Variants in GLIS1 observed in about 807,000 individuals in gnomAD.
GLIS1 encodes zinc finger protein GLIS1.
Under a neutral mutation model 63.8 loss-of-function variants are expected in GLIS1, and 24 were observed. The ratio of observed to expected loss-of-function variants is 0.38; its 90% CI spans 0.27 to 0.53. The LOEUF (loss-of-function observed/expected upper bound fraction) is 0.53, where lower values mean the gene tolerates loss of function less well. Ranked by LOEUF, GLIS1 falls within the 20% of genes least tolerant of loss-of-function variation. The pLI is 0.85. For synonymous variants in GLIS1, 450 were observed against 482.5 expected (o/e 0.93, Z 0.88); for missense variants, 1,036 against 1,074.1 (o/e 0.96, Z 0.50).
Position 53,594,355 on chromosome 1 carries a change from C to T in GLIS1, c.1073G>A (p.Gly358Glu). ...CACCACCCTGCCTGCCAGGCCCAGCCCCAGGCCTCCAAGGCTTGGGCCAGG... is the reference window on the plus strand; with the variant it reads ...CACCACCCTGCCTGCCAGGCCCAGCTCCAGGCCTCCAAGGCTTGGGCCAGG... Reference protein sequence around the residue: ...LPPGPSLGGLGLGLAGRVVAG... With the variant: ...LPPGPSLGGLELGLAGRVVAG... The change falls in exon 4 of 11, where the codon GGG (glycine) becomes GAG (glutamate). Residue 358 changes from glycine (G) to glutamate (E), a missense_variant. Gly to Glu is a moderately conservative substitution (Grantham distance 98). This residue lies in a region of GLIS1 where 592 missense variants were observed against 593.9 expected (regional missense o/e 1.00). Coordinates refer to ENST00000628545, the MANE Select transcript of GLIS1 (RefSeq NM_001367484.1). 1.9e-6 allele frequency: 3 copies of T among 1,611,680 alleles called. No individual in the cohort carries two copies. Among genetic ancestry groups the T allele is most frequent in the Non-Finnish European group, 2.5e-6 (3 of 1,179,158 alleles).
Position 53,594,342 on chromosome 1 carries a change from T to A in GLIS1, c.1086A>T (p.Ala362=), listed in dbSNP as rs1557469456. 1 of 1,611,566 alleles carries A rather than the reference T, an allele frequency of 6.2e-7. No homozygotes were observed. The highest frequency in any genetic ancestry group is 1.3e-5 in the African/African-American group (1 of 75,036). ...PSLGGLGLGL[A]GRVVAGRQAC... ...CCTGCCGCCCGGCCACCACCCTGCC[T>A]GCCAGGCCCAGCCCCAGGCCTCCAA... The change falls in exon 4 of 11, where the codon GCA becomes GCT. Residue 362 remains alanine, a synonymous_variant. Coordinates refer to ENST00000628545, the MANE Select transcript of GLIS1 (RefSeq NM_001367484.1).
chr1:53,690,655 C>T (rs1411939790), intron 2 of GLIS1, among the ~76,000 whole-genome samples: 1 of 152,130 alleles, frequency 6.6e-6, no homozygotes, highest in Non-Finnish European at 1.5e-5. Context: ...GGCAGGGCAG[C>T]GATGATTAAC....
rs57057750 is a variant in GLIS1 at position 53,516,000 on chromosome 1, ACAT to A, written c.1727-1222_1727-1220del. Among the ~76,000 whole-genome samples, 9 of 152,050 alleles carry A rather than the reference ACAT, an allele frequency of 5.9e-5. No homozygotes were observed. In the East Asian group the frequency reaches 1.4e-3, roughly 23 times the overall value. ...GCCATGTTTATTTTGATAGCAATTG[ACAT>A]CATTTTTTCTGAAATCCATGCATCC... On this transcript the variant is annotated intron_variant, in intron 7 of 10. Coordinates refer to ENST00000628545, the MANE Select transcript of GLIS1 (RefSeq NM_001367484.1).
intron 4 of GLIS1, among the ~76,000 whole-genome samples, chr1:53,552,376 A>G (rs1644769283): frequency 6.6e-6 from 1 of 152,162 alleles, no homozygotes; most frequent in Non-Finnish European, 1.5e-5. Flanking sequence ...GCAGGCAGAC[A>G]GCCAGCTCCC....
intron 2 of GLIS1, among the ~76,000 whole-genome samples, chr1:53,727,323 T>C (rs1286912299): frequency 6.6e-6 from 1 of 151,550 alleles, no homozygotes; most frequent in East Asian, 2.0e-4. Context: ...CCCCAGGGGC[T>C]CTAAGCCTGT....
intron 2 of GLIS1, among the ~76,000 whole-genome samples, chr1:53,649,810 G>A (rs7512380): frequency 0.097 from 14,807 of 152,162 alleles, 917 homozygotes; most frequent in South Asian, 0.24. Flanking sequence ...AAGAACACAG[G>A]ATGTAATCCA....
rs116608520 is a variant in GLIS1, at chr1:53,698,635, C to T, written c.259+39171G>A. On this transcript the variant is annotated intron_variant, in intron 2 of 10. Transcript: ENST00000628545. ...CAGGGACCTCTGTTCAGCCCTGCCA[C>T]CTGGGTCCGGGTAGACCGAGGCTGC... is the stretch of plus-strand genomic sequence containing the variant. 2.0e-3 allele frequency among the ~76,000 whole-genome samples: 310 copies of T among 152,340 alleles called. 2 individuals are homozygous for T. Among genetic ancestry groups the T allele is most frequent in the African/African-American group, 7.3e-3 (302 of 41,578 alleles).
chr1:53,615,372 C>T (rs913833570), intron 2 of GLIS1, among the ~76,000 whole-genome samples: 5 of 152,186 alleles, frequency 3.3e-5, no homozygotes, highest in African/African-American at 9.7e-5. Context: ...CTCCCAGGCT[C>T]CCCATGTCTC....
In GLIS1 at chr1:53,518,307, T is replaced by C. The variant is rs535347523; in HGVS notation, c.1726+2327A>G. On this transcript the variant is annotated intron_variant, in intron 7 of 10. Transcript: ENST00000628545. ...TTAAGAAGACAGCCTGCACAGATGG[T>C]CTGGGTTCCAATCCTGCCTCTGCCA... 1.4e-4 allele frequency among the ~76,000 whole-genome samples: 22 copies of C among 152,220 alleles called. 1 individual carries two copies. The South Asian group carries it at 4.6e-3, about 32-fold the overall frequency.
chr1:53,678,242 G>T (rs1480402363), intron 2 of GLIS1, among the ~76,000 whole-genome samples: 2 of 151,102 alleles, frequency 1.3e-5, no homozygotes, highest in East Asian at 3.9e-4. Flanking sequence ...GCTCGCCGCA[G>T]ATGCCCAGAG....
chr1:53,580,223 C>T lies in GLIS1; in HGVS notation c.1320+13885G>A, dbSNP rs562571357. On this transcript the variant is annotated intron_variant, in intron 4 of 10. Transcript: ENST00000628545. ...TGGGTAGAGCCATGAGCCGCAGAGC[C>T]CCTCCATCCTGACCTGGTTCCTGCA... Among the ~76,000 whole-genome samples the T allele has an allele frequency of 2.0e-5, 3 of 152,288 alleles. No homozygotes were observed. The South Asian group carries it at 6.2e-4, about 32-fold the overall frequency.
intron 5 of GLIS1, among the ~76,000 whole-genome samples, chr1:53,528,553 C>A (rs972657297): frequency 2.6e-5 from 4 of 152,086 alleles, no homozygotes; most frequent in Non-Finnish European, 4.4e-5. Context: ...AGTGTCCCCC[C>A]CAGGGCCTGG....
chr1:53,559,630 G>T (rs1569828127), intron 4 of GLIS1, among the ~76,000 whole-genome samples: 1 of 152,168 alleles, frequency 6.6e-6, no homozygotes, highest in East Asian at 1.9e-4. Context: ...CCGCTGCAAT[G>T]CGGGACAGAG....
At chr1:53,693,677 G>A (rs1271613712) in intron 2 of GLIS1, among the ~76,000 whole-genome samples, 1 of 152,054 alleles carries the variant, frequency 6.6e-6, no homozygotes, top group Admixed American at 6.5e-5. Flanking sequence ...AAGGGTGTGG[G>A]CATCATAAAG....
chr1:53,730,976 G>C (rs1646854049), intron 2 of GLIS1, among the ~76,000 whole-genome samples: 1 of 152,194 alleles, frequency 6.6e-6, no homozygotes, highest in Non-Finnish European at 1.5e-5. Context: ...AGATCCCTGA[G>C]CCAACATGCT....
At chr1:53,509,668 G>A (rs1374902313) in intron 9 of GLIS1, among the ~76,000 whole-genome samples, 181 bp downstream of exon 9, 2 of 152,176 alleles carry the variant, frequency 1.3e-5, no homozygotes, top group African/African-American at 4.8e-5. Flanking sequence ...TTTTGTCCAG[G>A]CTGTGCCCTC....
chr1:53,549,877 G>C (rs920809203), intron 4 of GLIS1, among the ~76,000 whole-genome samples: 1 of 152,172 alleles, frequency 6.6e-6, no homozygotes, highest in Admixed American at 6.5e-5. Context: ...CAGAGTCACA[G>C]AGCAGCACCC....
chr1:53,568,786 A>G (rs1381330544), intron 4 of GLIS1, among the ~76,000 whole-genome samples: 3 of 152,210 alleles, frequency 2.0e-5, no homozygotes, highest in African/African-American at 7.2e-5. Context: ...CCATAAGTGT[A>G]AATTTCCTGA....
intron 2 of GLIS1, among the ~76,000 whole-genome samples, chr1:53,697,096 C>T (rs534098551): frequency 1.7e-4 from 26 of 152,130 alleles, no homozygotes; most frequent in Non-Finnish European, 3.5e-4. Flanking sequence ...CTCAAGACCA[C>T]GGGAGGGAGC....
Sources: gnomAD v4.1 joint callset for allele counts (sites outside exome capture counted in the v4.1 genomes callset) on GRCh38, gnomAD v4.1.1 for gene constraint, gnomAD v4.1.1 regional missense constraint, MANE v1.5 for transcripts, NCBI Gene and HGNC (gene_info 2026-07-23, HGNC 2026-07-21) for gene names.